PRKG1: variants seen among roughly 807,000 people sequenced by gnomAD.
PRKG1 encodes protein kinase cGMP-dependent 1, also known as cGMP-dependent protein kinase 1.
In PRKG1, 35 loss-of-function variants were observed where a neutral mutation model predicts 88.1. That is an observed-to-expected ratio of 0.40 (90% CI 0.30 to 0.53). The LOEUF is 0.53. Ranked by LOEUF, PRKG1 falls within the 20% of genes least tolerant of loss-of-function variation. PRKG1 has a pLI of 0.59. For synonymous variants in PRKG1, 303 were observed against 292.5 expected (o/e 1.04, Z -0.37); for missense variants, 540 against 839.8 (o/e 0.64, Z 4.41).
intron 3 of PRKG1, chr10:51,696,868 T>C (rs1841307099): frequency 6.6e-6 from 1 of 151,840 alleles, no homozygotes; most frequent in Non-Finnish European, 1.5e-5. Context: ...TTGGGAAGGA[T>C]TTTTAGAGAA....
At chr10:51,768,249 A>T (rs117052605) in intron 3 of PRKG1, among the ~76,000 whole-genome samples, 7,555 of 152,132 alleles carry the variant, frequency 0.05, 290 homozygotes, top group Middle Eastern at 0.075. Flanking sequence ...AGAATTTTTT[A>T]GTTATTTAGT....
At chr10:52,032,462 C>T (rs1045581954) in intron 5 of PRKG1, among the ~76,000 whole-genome samples, 2 of 152,132 alleles carry the variant, frequency 1.3e-5, no homozygotes, top group African/African-American at 4.8e-5. Flanking sequence ...ATATCCTTAA[C>T]ACACTGTCTA....
At chr10:51,860,857 C>G (rs1223372599) in intron 4 of PRKG1, among the ~76,000 whole-genome samples, 2 of 152,058 alleles carry the variant, frequency 1.3e-5, no homozygotes, top group Admixed American at 1.3e-4. Context: ...GGCTTTGGAG[C>G]AGGGAGGGTC....
chr10:52,048,958 A>G (rs1487535124), intron 5 of PRKG1, among the ~76,000 whole-genome samples: 1 of 152,184 alleles, frequency 6.6e-6, no homozygotes, highest in African/African-American at 2.4e-5. Context: ...AGCAATGAAT[A>G]TAGCATAAGA....
At chr10:52,193,501 T>C (rs1839418444) in intron 9 of PRKG1, among the ~76,000 whole-genome samples, 1 of 141,084 alleles carries the variant, frequency 7.1e-6, no homozygotes, top group African/African-American at 2.7e-5. Context: ...TGAGCTGAGA[T>C]TGCACTAGTG....
rs1189319 is a variant in PRKG1, at chr10:51,377,710, T to A, written c.479-90013T>A. Among the ~76,000 whole-genome samples the A allele has an allele frequency of 8.0e-3, 1,211 of 152,192 alleles. 18 individuals are homozygous for A. Among genetic ancestry groups the A allele is most frequent in the African/African-American group, 0.025 (1,047 of 41,522 alleles). ...ATAAATTGAAAGATAAAACAAAACC[T>A]GGCTATTTTGCTTATGGCAACTGTC... On this transcript the variant is annotated intron_variant, in intron 2 of 17. Coordinates refer to ENST00000373980, the MANE Select transcript of PRKG1 (RefSeq NM_006258.4).
At chr10:51,356,647 G>C (rs1259085958) in intron 2 of PRKG1, among the ~76,000 whole-genome samples, 1 of 151,930 alleles carries the variant, frequency 6.6e-6, no homozygotes, top group Non-Finnish European at 1.5e-5. Flanking sequence ...AGTGTCATCT[G>C]TAGCCTCTTC....
chr10:51,186,978 A>G lies in PRKG1; in HGVS notation c.478+33648A>G, dbSNP rs76359524. On this transcript the variant is annotated intron_variant, in intron 2 of 17. Coordinates refer to ENST00000373980, the MANE Select transcript of PRKG1 (RefSeq NM_006258.4). ...GTTATATATATATATATATATATATATATATGTATATATATATTCTCTTTA... is the reference window on the plus strand; with the variant it reads ...GTTATATATATATATATATATATATGTATATGTATATATATATTCTCTTTA... Among the ~76,000 whole-genome samples the G allele has an allele frequency of 1.4e-4, 17 of 121,196 alleles. No individual in the cohort carries two copies. In the East Asian group the frequency reaches 4.1e-3, roughly 29 times the overall value. 79.5% of individuals were successfully genotyped at this position (121,196 alleles called of 152,430 possible).
intron 3 of PRKG1, among the ~76,000 whole-genome samples, chr10:51,797,177 G>A (rs1298228763): frequency 8.0e-6 from 1 of 124,726 alleles, no homozygotes; most frequent in Non-Finnish European, 1.9e-5. Flanking sequence ...AGGTATCTGA[G>A]TATTTTTTTT....
chr10:51,137,949 A>G (rs1257058756), intron 1 of PRKG1, among the ~76,000 whole-genome samples: 3 of 152,218 alleles, frequency 2.0e-5, no homozygotes, highest in Non-Finnish European at 4.4e-5. Flanking sequence ...TTTGCTAGAC[A>G]TGTGACTGGG....
intron 7 of PRKG1, among the ~76,000 whole-genome samples, chr10:52,082,724 GCCCATTTATCCAAAACA>G (rs1399525342): frequency 6.6e-6 from 1 of 152,038 alleles, no homozygotes; most frequent in Admixed American, 6.6e-5. Context: ...TATTTTGCCT[GCCCATTTATCCAAAACA>G]CTTGACCATT....
intron 3 of PRKG1, among the ~76,000 whole-genome samples, chr10:51,623,962 C>T (rs1839271742): frequency 6.6e-6 from 1 of 152,102 alleles, no homozygotes; most frequent in Non-Finnish European, 1.5e-5. Flanking sequence ...CCCCAGACAC[C>T]ACTCCACAAC....
chr10:52,146,569 T>C (rs1019322360), intron 8 of PRKG1, among the ~76,000 whole-genome samples: 2 of 152,198 alleles, frequency 1.3e-5, no homozygotes, highest in Non-Finnish European at 2.9e-5. Context: ...AGCTTGTAAG[T>C]AAAGAAATGG....
intron 2 of PRKG1, among the ~76,000 whole-genome samples, chr10:51,169,933 C>T (rs1589216458): frequency 6.6e-6 from 1 of 152,046 alleles, no homozygotes; most frequent in African/African-American, 2.4e-5. Flanking sequence ...TCAACTTCCT[C>T]GAATGCTCGC....
intron 7 of PRKG1, among the ~76,000 whole-genome samples, chr10:52,071,486 A>G (rs1206577107): frequency 6.6e-6 from 1 of 152,188 alleles, no homozygotes; most frequent in African/African-American, 2.4e-5. Context: ...AATATCTTTT[A>G]CATTGTTTCT....
At position 52,192,702 on chromosome 10, in the gene PRKG1, C is replaced by T. The variant is rs1308200374; in HGVS notation, c.1076+30739C>T. On this transcript the variant is annotated intron_variant, in intron 9 of 17. Transcript: ENST00000373980. ...ATATCAATAAATATCACAGCCTCCA[C>T]AGAATTGGTAACTTTCTAAGATATT... is the stretch of plus-strand genomic sequence containing the variant. 2.6e-5 allele frequency among the ~76,000 whole-genome samples: 4 copies of T among 151,862 alleles called. No homozygotes were observed. The East Asian group carries it at 7.7e-4, about 29-fold the overall frequency.
intron 2 of PRKG1, among the ~76,000 whole-genome samples, chr10:51,197,221 A>G (rs1295635699): frequency 6.6e-6 from 1 of 152,156 alleles, no homozygotes; most frequent in Non-Finnish European, 1.5e-5. Context: ...TCAAAAAGGA[A>G]ATAAAATATC....
chr10:51,701,731 T>A (rs574586336), intron 3 of PRKG1, among the ~76,000 whole-genome samples: 26 of 126,620 alleles, frequency 2.1e-4, no homozygotes, highest in Non-Finnish European at 4.2e-4. Context: ...TGTGTGTGTA[T>A]TAAATGTAGT....
At chr10:51,157,738 A>C (rs562571959) in intron 2 of PRKG1, among the ~76,000 whole-genome samples, 3 of 152,006 alleles carry the variant, frequency 2.0e-5, no homozygotes, top group African/African-American at 7.2e-5. Context: ...TTAAAATGGC[A>C]AGTGTCTGTT....
Sources: gnomAD v4.1 joint callset for allele counts (sites outside exome capture counted in the v4.1 genomes callset) on GRCh38, gnomAD v4.1.1 for gene constraint, MANE v1.5 for transcripts, NCBI Gene and HGNC (gene_info 2026-07-23, HGNC 2026-07-21) for gene names.